Variants in ANO3 observed in about 807,000 individuals in gnomAD.
ANO3 encodes the protein anoctamin 3, also known as anoctamin-3.
Under a neutral mutation model 144.8 loss-of-function variants are expected in ANO3, and 99 were observed. The ratio of observed to expected loss-of-function variants is 0.68; its 90% CI spans 0.58 to 0.81. ANO3 has a LOEUF of 0.81. Among genes scored for constraint, ANO3 ranks in the 30% least tolerant of loss-of-function variants. The pLI is 0.00. For synonymous variants in ANO3, 414 were observed against 392.6 expected (o/e 1.05, Z -0.64); for missense variants, 905 against 1,202.2 (o/e 0.75, Z 3.66).
At chr11:26,573,641 A>G (rs1850911074) in intron 14 of ANO3, among the ~76,000 whole-genome samples, 1 of 152,080 alleles carries the variant, frequency 6.6e-6, no homozygotes, top group African/African-American at 2.4e-5. Context: ...ATTGCAATGC[A>G]CTTTTGCTAT....
intron 1 of ANO3, among the ~76,000 whole-genome samples, chr11:26,250,946 A>T (rs1758368470): frequency 6.6e-6 from 1 of 152,176 alleles, no homozygotes; most frequent in South Asian, 2.1e-4. Flanking sequence ...GGGCTAAATC[A>T]TCTAGCAACA....
At chr11:26,220,560 C>A (rs1014027236) in intron 1 of ANO3, among the ~76,000 whole-genome samples, 9 of 152,208 alleles carry the variant, frequency 5.9e-5, no homozygotes, top group African/African-American at 1.9e-4. Flanking sequence ...AATCTGTTGT[C>A]TAAAATCACC....
chr11:26,596,420 C>A (rs1285772741), intron 14 of ANO3, among the ~76,000 whole-genome samples: 1 of 152,130 alleles, frequency 6.6e-6, no homozygotes, highest in Non-Finnish European at 1.5e-5. Flanking sequence ...GTTGTAGACC[C>A]AGTTCCAGTT....
At chr11:26,411,728 AT>A (rs35301801) in intron 1 of ANO3, among the ~76,000 whole-genome samples, 96,043 of 149,554 alleles carry the variant, frequency 0.64, 32,645 homozygotes, top group Admixed American at 0.78. Context: ...GAATCCATCC[AT>A]TTTTTTTTTT....
chr11:26,278,867 G>T (rs1853616367), intron 1 of ANO3, among the ~76,000 whole-genome samples: 1 of 152,146 alleles, frequency 6.6e-6, no homozygotes, highest in Admixed American at 6.6e-5. Flanking sequence ...CTGTGTGTGT[G>T]CATGTGTGTG....
intron 1 of ANO3, among the ~76,000 whole-genome samples, chr11:26,350,080 A>AC (rs1336763681): frequency 1.3e-5 from 2 of 151,742 alleles, no homozygotes; most frequent in Non-Finnish European, 2.9e-5. Flanking sequence ...CAGGAACGGA[A>AC]GGGGGAGAAG....
At chr11:26,599,130 C>T (rs1296263731) in intron 16 of ANO3, 132 bp downstream of exon 16, 11 of 929,370 alleles carry the variant, frequency 1.2e-5, no homozygotes. Flanking sequence ...GTAACACGTA[C>T]AATTAAACAA....
At chr11:26,350,353 G>A (rs1590282768) in intron 1 of ANO3, among the ~76,000 whole-genome samples, 2 of 152,130 alleles carry the variant, frequency 1.3e-5, no homozygotes, top group East Asian at 3.9e-4. Context: ...AGTCTAAAGA[G>A]GCTGCTTAGG....
intron 4 of ANO3, among the ~76,000 whole-genome samples, chr11:26,470,425 A>C (rs555532196): frequency 6.7e-6 from 1 of 149,292 alleles, no homozygotes; most frequent in East Asian, 2.0e-4. Context: ...CAAAAAAAAA[A>C]CAGAAAAAAA....
chr11:26,340,992 T>G (rs1448127941), intron 1 of ANO3, among the ~76,000 whole-genome samples: 3 of 152,186 alleles, frequency 2.0e-5, no homozygotes, highest in Non-Finnish European at 4.4e-5. Flanking sequence ...ATACCCCAAA[T>G]GCTGTCAATT....
intron 1 of ANO3, among the ~76,000 whole-genome samples, chr11:26,189,625 G>T (rs1193354817): frequency 6.6e-6 from 1 of 152,132 alleles, no homozygotes; most frequent in East Asian, 1.9e-4. Context: ...GGCCTATCAA[G>T]GCTTAGTTTT....
chr11:26,473,518 G>A (rs72889140), intron 4 of ANO3, among the ~76,000 whole-genome samples: 13,619 of 151,652 alleles, frequency 0.09, 784 homozygotes, highest in African/African-American at 0.16. Context: ...AAGAAAATGA[G>A]GCAATTTCCT....
chr11:26,365,318 G>A (rs1014163402), intron 1 of ANO3, among the ~76,000 whole-genome samples: 8 of 152,198 alleles, frequency 5.3e-5, no homozygotes, highest in Admixed American at 2.6e-4. Context: ...GCTTTTCCAG[G>A]TGTAGGTTGC....
chr11:26,565,886 T>G, intron 14 of ANO3: 1 of 1,574,844 alleles, frequency 6.3e-7, no homozygotes, highest in Non-Finnish European at 8.6e-7. Flanking sequence ...TTGGTTTTTT[T>G]TTAAAGGAAT....
At chr11:26,305,001 G>A (rs1321371704), upstream of ANO3, among the ~76,000 whole-genome samples, 2 of 151,766 alleles carry the variant, frequency 1.3e-5, no homozygotes, top group Admixed American at 6.6e-5. Flanking sequence ...TAAAGGACTT[G>A]AAAACTGCTT....
chr11:26,352,266 A>T (rs1350821808), intron 1 of ANO3, among the ~76,000 whole-genome samples: 1 of 152,218 alleles, frequency 6.6e-6, no homozygotes. Context: ...ACTGGCAGGT[A>T]AACTTAGAGC....
intron 1 of ANO3, among the ~76,000 whole-genome samples, chr11:26,205,401 T>A (rs927295827): frequency 1.3e-5 from 2 of 152,208 alleles, no homozygotes; most frequent in Admixed American, 1.3e-4. Context: ...GAGCACATAA[T>A]CTATCCTAGT....
chr11:26,317,617 G>A (rs1854657084), intron 1 of ANO3, among the ~76,000 whole-genome samples: 1 of 152,146 alleles, frequency 6.6e-6, no homozygotes, highest in South Asian at 2.1e-4. Context: ...AACAGATGCT[G>A]GAGAGGATGT....
At chr11:26,534,416 T>A (rs758339639) in intron 8 of ANO3, 40 bp from the exon 9 acceptor site, 1 of 1,343,788 alleles carries the variant, frequency 7.4e-7, no homozygotes, top group Non-Finnish European at 1.1e-6. Context: ...GGATTCTGTG[T>A]TCTGCTTTGA....
Sources: allele counts gnomAD v4.1 joint callset (sites outside exome capture counted in the v4.1 genomes callset), GRCh38; gene constraint gnomAD v4.1.1; transcripts MANE v1.5; gene names NCBI Gene and HGNC (gene_info 2026-07-23, HGNC 2026-07-21).